The following CSDE1 variants were observed in gnomAD, a reference collection of about 807,000 sequenced individuals.
The protein encoded by CSDE1 is cold shock domain containing E1.
A neutral mutation model predicts 89.3 loss-of-function variants in CSDE1; 17 were observed. The observed-to-expected ratio is 0.19, with a 90% CI of 0.13 to 0.29. CSDE1 has a LOEUF of 0.29. Ranked by LOEUF, CSDE1 falls within the 10% of genes least tolerant of loss-of-function variation. CSDE1 has a pLI of 1.00. For synonymous variants in CSDE1, 322 were observed against 332.8 expected (o/e 0.97, Z 0.35); for missense variants, 672 against 984.2 (o/e 0.68, Z 4.24).
At chr1:114,730,168 C>T (rs949777442) in intron 12 of CSDE1, 90 bp downstream of exon 12, 168 of 1,391,566 alleles carry the variant, frequency 1.2e-4, no homozygotes, top group Admixed American at 4.1e-4. Context: ...GACAAACTTC[C>T]GCTGATTATA....
intron 9 of CSDE1, among the ~76,000 whole-genome samples, 188 bp downstream of exon 9, chr1:114,733,544 A>C (rs954500811): frequency 2.0e-5 from 3 of 151,860 alleles, no homozygotes; most frequent in South Asian, 2.1e-4. Flanking sequence ...AAAAAAAAAA[A>C]AAAAACACCA....
chr1:114,744,097 T>G (rs930446584), intron 2 of CSDE1, among the ~76,000 whole-genome samples: 1 of 152,238 alleles, frequency 6.6e-6, no homozygotes, highest in Middle Eastern at 3.4e-3. Context: ...CAAATGGAAG[T>G]AGATAATTTA....
intron 3 of CSDE1, among the ~76,000 whole-genome samples, chr1:114,739,470 G>A (rs1226541599): frequency 6.6e-6 from 1 of 152,138 alleles, no homozygotes; most frequent in African/African-American, 2.4e-5. Flanking sequence ...CATCATTATG[G>A]GGAAAAACAA....
At chr1:114,720,408 T>C in intron 17 of CSDE1, 131 bp downstream of exon 17, 1 of 858,548 alleles carries the variant, frequency 1.2e-6, no homozygotes, top group Non-Finnish European at 1.7e-6. Context: ...CTCAAATGAC[T>C]GAAAAAAGGT....
At chr1:114,727,759 CAGTT>C (rs369069353) in intron 12 of CSDE1, 2 of 152,132 alleles carry the variant, frequency 1.3e-5, no homozygotes, top group African/African-American at 4.8e-5. Flanking sequence ...ATTGTTCAGT[CAGTT>C]ACAGATCGAA....
In CSDE1 at chr1:114,719,723, T is replaced by G; in HGVS notation, c.2072A>C (p.Glu691Ala). The G allele has an allele frequency of 6.2e-7, 1 of 1,611,802 alleles. No homozygotes were observed. Among genetic ancestry groups the G allele is most frequent in the Non-Finnish European group, 8.5e-7 (1 of 1,179,444 alleles). Residue 691 changes from glutamate to alanine, a missense_variant, in exon 18 of 20, where the codon GAA (glutamate) becomes GCA (alanine). This residue lies in a region of CSDE1 where 206 missense variants were observed against 332.4 expected (regional missense o/e 0.62). Coordinates refer to ENST00000358528, the MANE Select transcript of CSDE1 (RefSeq NM_001007553.3). ...VKDQFGFINY[E>A]VGDSKKLFFH... Reference sequence around the variant, plus strand: ...AAAGAGCTTCTTGCTATCTCCTACTTCATAGTTAATGAAGCCAAACTGAAA... The same window carrying G: ...AAAGAGCTTCTTGCTATCTCCTACTGCATAGTTAATGAAGCCAAACTGAAA...
At chr1:114,719,912 T>C (rs1488154055) in intron 17 of CSDE1, among the ~76,000 whole-genome samples, 170 bp from the exon 18 acceptor site, 1 of 152,234 alleles carries the variant, frequency 6.6e-6, no homozygotes, top group African/African-American at 2.4e-5. Flanking sequence ...TCTCTGAAAG[T>C]GCCATTCACT....
At chr1:114,752,362 G>A (rs561381955) in intron 1 of CSDE1, among the ~76,000 whole-genome samples, 12 of 151,612 alleles carry the variant, frequency 7.9e-5, no homozygotes, top group Non-Finnish European at 1.6e-4. Context: ...CCCACCCCCA[G>A]CAACCTTAAA....
intron 15 of CSDE1, 194 bp from the exon 16 acceptor site, chr1:114,724,196 A>G (rs1363801072): frequency 5.0e-6 from 2 of 399,586 alleles, no homozygotes; most frequent in African/African-American, 4.2e-5. Flanking sequence ...TAAACTACCA[A>G]AATGCCTGCT....
At chr1:114,721,884 CTTT>C (rs77950889) in intron 16 of CSDE1, among the ~76,000 whole-genome samples, 1 of 128,150 alleles carries the variant, frequency 7.8e-6, no homozygotes, top group Non-Finnish European at 1.7e-5. Flanking sequence ...CCACACCTGA[CTTT>C]TTTTTTTTTT....
Position 114,734,022 on chromosome 1 carries a change from G to A in CSDE1, c.678C>T (p.Gly226=), listed in dbSNP as rs774172953. 15 of 1,612,908 alleles carry A rather than the reference G, an allele frequency of 9.3e-6. No individual in the cohort carries two copies. The highest frequency in any genetic ancestry group is 1.2e-5 in the Non-Finnish European group (14 of 1,179,858). ...CCTTGATTGTGAATTCCACATCATC[G>A]CCAGGCTGTAAGGTTTCTAAGTCAC... The part of the protein sequence containing the change: ...FKGDLETLQP[G]DDVEFTIKDR... Residue 226 remains glycine (G), a synonymous_variant, in exon 8 of 20, where the codon GGC becomes GGT. Transcript: ENST00000358528.
chr1:114,730,933 T>G (rs1047003877), intron 10 of CSDE1, among the ~76,000 whole-genome samples: 2 of 152,206 alleles, frequency 1.3e-5, no homozygotes, highest in Non-Finnish European at 2.9e-5. Flanking sequence ...ATGTATTTCA[T>G]AAAAGCCCAA....
intron 14 of CSDE1, 52 bp from the exon 15 acceptor site, chr1:114,725,385 G>GT (rs1557991883): frequency 7.6e-7 from 1 of 1,320,894 alleles, no homozygotes; most frequent in Non-Finnish European, 1.1e-6. Flanking sequence ...AACATCAACA[G>GT]TAACAGGCAG....
At chr1:114,727,223 C>G in intron 12 of CSDE1, 133 bp from the exon 13 acceptor site, 1 of 597,156 alleles carries the variant, frequency 1.7e-6, no homozygotes, top group Non-Finnish European at 2.9e-6. Flanking sequence ...CCAGCATTTT[C>G]TAAAAGATTA....
chr1:114,752,128 TG>T (rs2101090704), intron 1 of CSDE1, among the ~76,000 whole-genome samples: 1 of 152,224 alleles, frequency 6.6e-6, no homozygotes, highest in Admixed American at 6.5e-5. Context: ...TAGCCAGGCA[TG>T]GTGGTATACG....
chr1:114,743,029 A>G (rs1246501145), intron 2 of CSDE1, among the ~76,000 whole-genome samples: 2 of 152,230 alleles, frequency 1.3e-5, no homozygotes, highest in African/African-American at 4.8e-5. Context: ...AAACATATAC[A>G]CATATCGAAA....
intron 2 of CSDE1, chr1:114,746,936 CCCTAGCAA>C (rs1661042277): frequency 6.6e-6 from 1 of 152,202 alleles, no homozygotes; most frequent in South Asian, 2.1e-4. Context: ...GCAACTAGCA[CCCTAGCAA>C]CCGCCAAGTA....
At chr1:114,736,639 G>T (rs1305864237) in intron 6 of CSDE1, 119 bp downstream of exon 6, 7 of 620,948 alleles carry the variant, frequency 1.1e-5, no homozygotes, top group Non-Finnish European at 2.0e-5. Flanking sequence ...TTGATGAATT[G>T]AAAGTTCATG....
intron 1 of CSDE1, among the ~76,000 whole-genome samples, chr1:114,757,547 A>T (rs1661677036): frequency 6.6e-6 from 1 of 151,916 alleles, no homozygotes; most frequent in Admixed American, 6.6e-5. Flanking sequence ...GACAAGCCGC[A>T]GATGGGGAAG....
Sources: gnomAD v4.1 joint callset for allele counts (sites outside exome capture counted in the v4.1 genomes callset) on GRCh38, gnomAD v4.1.1 for gene constraint, gnomAD v4.1.1 regional missense constraint, MANE v1.5 for transcripts, NCBI Gene and HGNC (gene_info 2026-07-23, HGNC 2026-07-21) for gene names.